Variants in MTUS2 observed in about 807,000 individuals in gnomAD.
MTUS2 encodes the protein microtubule associated scaffold protein 2.
A neutral mutation model predicts 114.1 loss-of-function variants in MTUS2; 40 were observed. The observed-to-expected ratio is 0.35, with a 90% CI of 0.27 to 0.46. MTUS2 has a LOEUF of 0.46. Ranked by LOEUF, MTUS2 falls within the 20% of genes least tolerant of loss-of-function variation. The pLI, the probability that MTUS2 is intolerant of heterozygous loss-of-function variation, is 1.00. For missense variants in MTUS2, 1,679 were observed against 1,705.4 expected, an observed-to-expected ratio of 0.98 and a Z score of 0.27; for synonymous variants, 688 against 672.0, an observed-to-expected ratio of 1.02 and a Z score of -0.37.
At chr13:29,215,161 A>T (rs1180260897) in intron 5 of MTUS2, among the ~76,000 whole-genome samples, 1 of 151,010 alleles carries the variant, frequency 6.6e-6, no homozygotes, top group Non-Finnish European at 1.5e-5. Context: ...TTGGCTATTG[A>T]TACTTGTGTA....
intron 8 of MTUS2, among the ~76,000 whole-genome samples, chr13:29,430,423 A>AT (rs1876902497): frequency 6.6e-6 from 1 of 152,192 alleles, no homozygotes; most frequent in Non-Finnish European, 1.5e-5. Context: ...ATTTAATGTT[A>AT]CTTCATCTCT....
chr13:29,451,095 T>TA (rs753153873), intron 9 of MTUS2, among the ~76,000 whole-genome samples: 9 of 152,200 alleles, frequency 5.9e-5, no homozygotes, highest in Non-Finnish European at 1.0e-4. Flanking sequence ...AACTTGACCT[T>TA]ACTGACGTTA....
chr13:28,820,894 C>T (rs765878485), intron 1 of MTUS2, among the ~76,000 whole-genome samples: 6 of 152,220 alleles, frequency 3.9e-5, no homozygotes, highest in Non-Finnish European at 8.8e-5. Flanking sequence ...TTCTCCCCTA[C>T]CCACCCCCAG....
At chr13:29,389,720 C>T (rs1873131086) in intron 8 of MTUS2, among the ~76,000 whole-genome samples, 1 of 101,370 alleles carries the variant, frequency 9.9e-6, no homozygotes, top group Admixed American at 9.2e-5. Flanking sequence ...TGTATATATA[C>T]ATACATATGT....
rs998382846 is a variant in MTUS2, at chr13:29,504,403, AC to A, written c.*1198del. The A allele has an allele frequency of 9.6e-5, 21 of 219,870 alleles. No homozygotes were observed. The highest frequency in any genetic ancestry group is 4.5e-4 in the African/African-American group (19 of 42,164). The allele number at this position is 219,870 out of a possible 1,614,324, so 13.6% of individuals were successfully genotyped here. A position where few individuals can be genotyped will look rare whatever the true frequency, so the allele number is the denominator to read the frequency against. On this transcript the variant is annotated 3_prime_UTR_variant, in exon 16 of 16. Coordinates refer to ENST00000612955, the MANE Select transcript of MTUS2 (RefSeq NM_001033602.4). ...TAGCAGGGGCTTCCAGAAAAAAAAA[AC>A]ACCATTTCTGTCCCGGGGGACCAGT...
intron 2 of MTUS2, among the ~76,000 whole-genome samples, chr13:28,878,178 A>G (rs1393959268): frequency 6.6e-6 from 1 of 151,922 alleles, no homozygotes. Flanking sequence ...AAATACTTTC[A>G]AACATTGAGC....
intron 8 of MTUS2, among the ~76,000 whole-genome samples, chr13:29,399,336 G>C (rs948159379): frequency 6.6e-6 from 1 of 152,070 alleles, no homozygotes; most frequent in African/African-American, 2.4e-5. Context: ...TGTATCTTGT[G>C]CCGACCTCCT....
At chr13:29,449,967 G>A (rs535224363) in intron 9 of MTUS2, among the ~76,000 whole-genome samples, 15 of 152,298 alleles carry the variant, frequency 9.8e-5, no homozygotes, top group Middle Eastern at 3.4e-3. Context: ...TCTGCTCCCC[G>A]TCCTCGGGGA....
chr13:29,178,438 G>A (rs1893864150), intron 5 of MTUS2, among the ~76,000 whole-genome samples: 1 of 152,090 alleles, frequency 6.6e-6, no homozygotes, highest in Admixed American at 6.5e-5. Context: ...CCAGAGTTAG[G>A]AATTATGGTC....
intron 4 of MTUS2, among the ~76,000 whole-genome samples, chr13:29,042,302 C>T (rs546538687): frequency 6.6e-6 from 1 of 152,262 alleles, no homozygotes; most frequent in East Asian, 1.9e-4. Context: ...ACCCCTGCAT[C>T]CCTACTATGA....
chr13:29,406,256 ACCCCACTGAGGGTCGGGTAT>A (rs1183470403), intron 8 of MTUS2, among the ~76,000 whole-genome samples: 1 of 151,934 alleles, frequency 6.6e-6, no homozygotes, highest in Non-Finnish European at 1.5e-5. Flanking sequence ...AACACTTACT[ACCCCACTGAGGGTCGGGTAT>A]CTGGGAGAGA....
At chr13:29,154,922 A>G (rs1892797298) in intron 5 of MTUS2, among the ~76,000 whole-genome samples, 1 of 152,228 alleles carries the variant, frequency 6.6e-6, no homozygotes, top group Non-Finnish European at 1.5e-5. Context: ...GCACACAGAC[A>G]TAAGTCACAG....
chr13:29,470,455 A>G (rs1372084145), intron 9 of MTUS2, among the ~76,000 whole-genome samples: 1 of 152,014 alleles, frequency 6.6e-6, no homozygotes, highest in Non-Finnish European at 1.5e-5. Context: ...TGCCTCCCAA[A>G]TGCATCCCCC....
At chr13:28,994,242 T>A (rs1884987776) in intron 2 of MTUS2, among the ~76,000 whole-genome samples, 1 of 122,054 alleles carries the variant, frequency 8.2e-6, no homozygotes, top group Non-Finnish European at 2.0e-5. Context: ...CATGTTTTTT[T>A]ATGGCTGCAC....
chr13:29,146,522 A>G (rs1210416341), intron 5 of MTUS2, among the ~76,000 whole-genome samples: 3 of 152,222 alleles, frequency 2.0e-5, no homozygotes, highest in Admixed American at 1.3e-4. Flanking sequence ...ATCCAATTTC[A>G]GCAGCTGCCA....
chr13:29,416,989 C>A (rs912960944), intron 8 of MTUS2, among the ~76,000 whole-genome samples: 2 of 152,108 alleles, frequency 1.3e-5, no homozygotes, highest in Non-Finnish European at 2.9e-5. Context: ...TAGTTTTAAG[C>A]ATTTGTATTG....
At chr13:29,087,490 A>G (rs1374333765) in intron 4 of MTUS2, among the ~76,000 whole-genome samples, 2 of 152,184 alleles carry the variant, frequency 1.3e-5, no homozygotes, top group African/African-American at 4.8e-5. Flanking sequence ...ATGTGCTGCT[A>G]AATTCAGTTT....
intron 5 of MTUS2, among the ~76,000 whole-genome samples, chr13:29,257,550 A>G (rs1298355836): frequency 6.6e-6 from 1 of 152,228 alleles, no homozygotes; most frequent in African/African-American, 2.4e-5. Context: ...CTTAACGTGA[A>G]GGAGGGAGTG....
At chr13:28,921,755 CTG>C (rs2138054686) in intron 2 of MTUS2, among the ~76,000 whole-genome samples, 1 of 152,246 alleles carries the variant, frequency 6.6e-6, no homozygotes, top group Non-Finnish European at 1.5e-5. Flanking sequence ...CAAATGCTCC[CTG>C]TGTGTGTGGG....
Sources: gnomAD v4.1 joint callset for allele counts (sites outside exome capture counted in the v4.1 genomes callset) on GRCh38, gnomAD v4.1.1 for gene constraint, MANE v1.5 for transcripts, NCBI Gene and HGNC (gene_info 2026-07-23, HGNC 2026-07-21) for gene names.